The following SLC26A7 variants were observed in gnomAD, a reference collection of about 807,000 sequenced individuals.
SLC26A7 encodes solute carrier family 26 member 7.
SLC26A7 carries 59 observed loss-of-function variants against 82.5 expected under a neutral mutation model. The observed-to-expected ratio is 0.72, with a 90% CI of 0.58 to 0.89. The LOEUF (loss-of-function observed/expected upper bound fraction) is 0.89, where lower values mean the gene tolerates loss of function less well. Among genes scored for constraint, SLC26A7 ranks in the 40% least tolerant of loss-of-function variants. The pLI, the probability that SLC26A7 is intolerant of heterozygous loss-of-function variation, is 0.00. For missense variants in SLC26A7, 820 were observed against 793.0 expected (o/e 1.03, Z -0.41); for synonymous variants, 271 against 274.3 (o/e 0.99, Z 0.12).
intron 5 of SLC26A7, among the ~76,000 whole-genome samples, chr8:91,324,905 G>A (rs1387366461): frequency 6.6e-6 from 1 of 152,164 alleles, no homozygotes; most frequent in African/African-American, 2.4e-5. Context: ...AGTATTCTAT[G>A]AAGAAAGAGC....
intron 5 of SLC26A7, among the ~76,000 whole-genome samples, chr8:91,330,759 G>T (rs1041637492): frequency 6.6e-6 from 1 of 152,136 alleles, no homozygotes; most frequent in Non-Finnish European, 1.5e-5. Flanking sequence ...AAACATGGAA[G>T]ATACAAATAA....
chr8:91,275,366 A>G (rs913571964), intron 2 of SLC26A7, among the ~76,000 whole-genome samples: 1 of 152,068 alleles, frequency 6.6e-6, no homozygotes, highest in Non-Finnish European at 1.5e-5. Context: ...AGGCATGTTC[A>G]CAGTTCACTG....
rs759646531 is a variant in SLC26A7 at position 91,334,321 on chromosome 8, C to T, written c.669C>T (p.Ile223=). The change falls in exon 6 of 19, where the codon ATC becomes ATT. Residue 223 remains isoleucine (I), a synonymous_variant. Transcript: ENST00000276609. ...FYIYAYVFEN[I]KSVRLEALLL... is the part of the protein sequence containing the mutation. ...TTTATGCATATGTTTTTGAAAACAT[C>T]AAGTCTGTGCGACTGGAAGCATTGC... is the stretch of plus-strand genomic sequence containing the variant. 7 of 1,612,064 alleles carry T rather than the reference C, an allele frequency of 4.3e-6. No homozygotes were observed. In the East Asian group the frequency reaches 1.6e-4, roughly 36 times the overall value.
upstream of SLC26A7, among the ~76,000 whole-genome samples, chr8:91,246,595 G>T (rs1418417338): frequency 2.6e-5 from 4 of 152,022 alleles, no homozygotes; most frequent in Non-Finnish European, 5.9e-5. Context: ...AGCTATTCCG[G>T]AGGCTGAAGC....
rs34135646 is a variant in SLC26A7 at position 91,306,714 on chromosome 8, A to AT, written c.477+11024dup. On this transcript the variant is annotated intron_variant, in intron 4 of 18. Transcript: ENST00000276609. ...CTATATGTTGTATCCAGATTTCCTT[A>AT]TTTTTTTTTTTTTGAGACAGAGTCT... is the stretch of plus-strand genomic sequence containing the variant. Among the ~76,000 whole-genome samples, 1,098 of 145,130 alleles carry AT rather than the reference A, an allele frequency of 7.6e-3. 8 individuals are homozygous for AT. Among genetic ancestry groups the AT allele is most frequent in the African/African-American group, 0.018 (712 of 39,850 alleles).
At chr8:91,318,455 G>C in intron 5 of SLC26A7, 75 bp downstream of exon 5, 1 of 1,336,238 alleles carries the variant, frequency 7.5e-7, no homozygotes, top group Non-Finnish European at 1.0e-6. Flanking sequence ...ATTAATTATA[G>C]TACTGAGATT....
intron 5 of SLC26A7, among the ~76,000 whole-genome samples, chr8:91,332,835 T>G (rs1456733033): frequency 1.3e-5 from 2 of 152,148 alleles, no homozygotes; most frequent in African/African-American, 4.8e-5. Flanking sequence ...TTTTCTTATA[T>G]ATTTTATTAT....
upstream of SLC26A7, among the ~76,000 whole-genome samples, chr8:91,246,094 T>C (rs1028245553): frequency 2.0e-5 from 3 of 152,210 alleles, no homozygotes; most frequent in Admixed American, 6.5e-5. Flanking sequence ...CTTATTTTTC[T>C]CCTAGAACCT....
chr8:91,234,827 A>ACTTCCTTC (rs1315137017), intron 2 of SLC26A7, among the ~76,000 whole-genome samples: 3,895 of 92,180 alleles, frequency 0.042, 123 homozygotes, highest in African/African-American at 0.066. Context: ...CTACCTACCT[A>ACTTCCTTC]CTTCCTTCCT....
chr8:91,286,219 A>G (rs1439886432), intron 2 of SLC26A7, among the ~76,000 whole-genome samples: 1 of 152,160 alleles, frequency 6.6e-6, no homozygotes, highest in Non-Finnish European at 1.5e-5. Context: ...GACAAGGCAT[A>G]CTGGTGGCAA....
At chr8:91,226,437 A>T (rs1451270098) in intron 2 of SLC26A7, among the ~76,000 whole-genome samples, 1 of 152,236 alleles carries the variant, frequency 6.6e-6, no homozygotes, top group African/African-American at 2.4e-5. Flanking sequence ...ATCTCCACTA[A>T]TAAATACGTT....
intron 2 of SLC26A7, among the ~76,000 whole-genome samples, chr8:91,265,153 T>C (rs1008389147): frequency 1.1e-4 from 16 of 152,112 alleles, no homozygotes; most frequent in Non-Finnish European, 2.4e-4. Context: ...TGTCTTTCTG[T>C]GTCTGGCTTA....
rs917837250 is a variant in SLC26A7, at chr8:91,397,362, A to G, written c.*2265A>G. The G allele has an allele frequency of 1.3e-5, 2 of 152,534 alleles. No individual in the cohort carries two copies. Among genetic ancestry groups the G allele is most frequent in the African/African-American group, 4.8e-5 (2 of 41,464 alleles). The allele number at this position is 152,534 out of a possible 1,614,324, so 9.4% of individuals were successfully genotyped here. ...GTTTATTTTGAAGCAGGCATTGACA[A>G]CACAAAAACTGTGTAGTGGTCTTGA... On this transcript the variant is annotated 3_prime_UTR_variant, in exon 19 of 19. Transcript: ENST00000276609.
At chr8:91,216,281 C>T (rs1165195140) in intron 1 of SLC26A7, among the ~76,000 whole-genome samples, 1 of 152,076 alleles carries the variant, frequency 6.6e-6, no homozygotes, top group African/African-American at 2.4e-5. Flanking sequence ...TTCCTGCTTG[C>T]AATAAGAGCC....
chr8:91,362,519 T>C, intron 12 of SLC26A7, 60 bp downstream of exon 12: 8 of 1,261,398 alleles, frequency 6.3e-6, no homozygotes, highest in Non-Finnish European at 9.2e-6. Context: ...CATGGTTACT[T>C]GCCATATGGT....
intron 15 of SLC26A7, among the ~76,000 whole-genome samples, chr8:91,375,802 C>A (rs964055665): frequency 1.3e-5 from 2 of 151,730 alleles, no homozygotes; most frequent in African/African-American, 4.8e-5. Context: ...AAAGACATTT[C>A]TCTGAATTAT....
At chr8:91,300,003 C>G (rs922902551) in intron 4 of SLC26A7, among the ~76,000 whole-genome samples, 1 of 152,164 alleles carries the variant, frequency 6.6e-6, no homozygotes, top group Admixed American at 6.5e-5. Flanking sequence ...TAGACAAATA[C>G]AAGCTACACT....
At chr8:91,254,450 G>A (rs774067363) in intron 2 of SLC26A7, among the ~76,000 whole-genome samples, 51 of 152,078 alleles carry the variant, frequency 3.4e-4, no homozygotes, top group Admixed American at 1.2e-3. Flanking sequence ...AACCTTCATA[G>A]GGAGATGACA....
rs77776848 is a variant in SLC26A7, at chr8:91,305,241, T to C, written c.477+9538T>C. On this transcript the variant is annotated intron_variant, in intron 4 of 18. Transcript: ENST00000276609. ...AACCAAAATTAAATTGAGTTTTTTT[T>C]TTCATCCTTCACCGGAAGATAGGGA... Among the ~76,000 whole-genome samples the C allele has an allele frequency of 1.3e-3, 202 of 152,320 alleles. 2 individuals carry two copies. The East Asian group carries it at 0.036, about 27-fold the overall frequency.
Sources: gnomAD v4.1 joint callset for allele counts (sites outside exome capture counted in the v4.1 genomes callset) on GRCh38, gnomAD v4.1.1 for gene constraint, MANE v1.5 for transcripts, NCBI Gene and HGNC (gene_info 2026-07-23, HGNC 2026-07-21) for gene names.